MCPH1: variants seen among roughly 807,000 people sequenced by gnomAD.
MCPH1 encodes the protein microcephalin 1, also known as microcephalin.
A neutral mutation model predicts 84.5 loss-of-function variants in MCPH1; 104 were observed. The ratio of observed to expected loss-of-function variants is 1.23; its 90% CI spans 1.05 to 1.45. The LOEUF (loss-of-function observed/expected upper bound fraction) is 1.45, where lower values mean the gene tolerates loss of function less well. MCPH1 is among the 40% of genes most tolerant of loss of function. The probability of loss-of-function intolerance (pLI) is 0.00; values close to 1 mark genes in which losing one functional copy is unlikely to be tolerated. For synonymous variants in MCPH1, 514 were observed against 366.8 expected (o/e 1.40, Z -4.58); for missense variants, 1,498 against 1,005.7 (o/e 1.49, Z -6.62).
rs376082728 is a variant in MCPH1 at position 6,621,511 on chromosome 8, G to T, written c.2272G>T (p.Asp758Tyr). The T allele has an allele frequency of 1.9e-6, 3 of 1,613,996 alleles. No homozygotes were observed. Among genetic ancestry groups the T allele is most frequent in the Non-Finnish European group, 1.7e-6 (2 of 1,180,034 alleles). ...AGPYRGTLFA[D>Y]QPAMFVSPAS... ...GCCGTACCGCGGAACCCTCTTTGCC[G>T]ACCAGCCAGCGATGTTTGTCTCGCC... Residue 758 changes from aspartate (D) to tyrosine (Y), a missense_variant, in exon 13 of 14, where the codon GAC becomes TAC. Physicochemically the swap from Asp to Tyr is radical, Grantham distance 160. Transcript: ENST00000344683.
chr8:6,509,937 C>A (rs1440605929), intron 12 of MCPH1, among the ~76,000 whole-genome samples: 4 of 152,120 alleles, frequency 2.6e-5, no homozygotes, highest in Non-Finnish European at 5.9e-5. Context: ...CATGAGGGAG[C>A]ATCGTGCCAC....
chr8:6,507,912 C>T (rs1300076487), intron 12 of MCPH1: 4 of 152,038 alleles, frequency 2.6e-5, no homozygotes, highest in Non-Finnish European at 5.9e-5. Flanking sequence ...AAACTTTATT[C>T]CTATGTTTGA....
At chr8:6,559,230 A>AACACACACACAC (rs59299448) in intron 12 of MCPH1, among the ~76,000 whole-genome samples, 4,160 of 146,788 alleles carry the variant, frequency 0.028, 88 homozygotes, top group East Asian at 0.077. Flanking sequence ...CACACACGAC[A>AACACACACACAC]ACACACACAC....
At chr8:6,463,788 T>G (rs1043224986) in intron 9 of MCPH1, among the ~76,000 whole-genome samples, 1 of 152,240 alleles carries the variant, frequency 6.6e-6, no homozygotes, top group African/African-American at 2.4e-5. Flanking sequence ...GGTTCTGGAA[T>G]GAGTACTTCA....
rs766469448 is a variant in MCPH1, at chr8:6,406,633, C to T, written c.-35C>T. 2.1e-5 allele frequency: 33 copies of T among 1,609,408 alleles called. No homozygotes were observed. Among genetic ancestry groups the T allele is most frequent in the East Asian group, 4.5e-5 (2 of 44,694 alleles). ...CGCGCGCCGCCAGGCTCGCAAGCACCGCGTAGGCCAGCTGGCCGGATCCCG... is the reference window on the plus strand; with the variant it reads ...CGCGCGCCGCCAGGCTCGCAAGCACTGCGTAGGCCAGCTGGCCGGATCCCG... On this transcript the variant is annotated 5_prime_UTR_variant, in exon 1 of 14. Transcript: ENST00000344683.
chr8:6,465,943 CCATG>C (rs1211993523), intron 9 of MCPH1, among the ~76,000 whole-genome samples: 1,291 of 112,004 alleles, frequency 0.012, 21 homozygotes, highest in African/African-American at 0.037. Flanking sequence ...ATCCATCCAT[CCATG>C]CATCCATCCA....
At chr8:6,412,619 G>A (rs1798693386) in intron 2 of MCPH1, among the ~76,000 whole-genome samples, 1 of 152,258 alleles carries the variant, frequency 6.6e-6, no homozygotes, top group South Asian at 2.1e-4. Context: ...AGGTGTAGGG[G>A]TTTTACCAGA....
intron 9 of MCPH1, chr8:6,473,714 C>A: frequency 2.1e-6 from 1 of 467,476 alleles, no homozygotes; most frequent in Non-Finnish European, 3.7e-6. Context: ...AGGCATAAAC[C>A]TTTATACTAT....
intron 12 of MCPH1, among the ~76,000 whole-genome samples, chr8:6,554,549 A>G (rs1824252602): frequency 6.6e-6 from 1 of 152,250 alleles, no homozygotes; most frequent in Admixed American, 6.5e-5. Context: ...TTTACATGAC[A>G]GGTAATTTTT....
intron 8 of MCPH1, among the ~76,000 whole-genome samples, chr8:6,453,734 G>C (rs1585864235): frequency 6.6e-6 from 1 of 152,192 alleles, no homozygotes; most frequent in Non-Finnish European, 1.5e-5. Context: ...AAAGACGATA[G>C]GAGATTGCAT....
At chr8:6,506,128 C>G (rs1268634259) in intron 12 of MCPH1, among the ~76,000 whole-genome samples, 3 of 151,318 alleles carry the variant, frequency 2.0e-5, no homozygotes, top group African/African-American at 7.3e-5. Flanking sequence ...AGCTCAGTGA[C>G]TTCATTTGAT....
intron 12 of MCPH1, among the ~76,000 whole-genome samples, chr8:6,521,607 C>T (rs564697240): frequency 4.6e-5 from 7 of 152,272 alleles, no homozygotes; most frequent in East Asian, 1.9e-4. Context: ...TATATGTAAA[C>T]GTATAAGCAT....
rs745481752 is a variant in MCPH1, at chr8:6,645,413, T to C, written c.*2364T>C. 3.7e-4 allele frequency: 57 copies of C among 152,126 alleles called. No individual in the cohort carries two copies. The highest frequency in any genetic ancestry group is 7.5e-4 in the Non-Finnish European group (51 of 68,026). 9.4% of individuals were successfully genotyped at this position (152,126 alleles called of 1,614,324 possible). A position where few individuals can be genotyped will look rare whatever the true frequency, so the allele number is the denominator to read the frequency against. On this transcript the variant is annotated 3_prime_UTR_variant, in exon 14 of 14. Coordinates refer to ENST00000344683, the MANE Select transcript of MCPH1 (RefSeq NM_024596.5). ...ACTCAAAACATATAGGGCTAGAGGT[T>C]CTCAGGATTCTGAATTTTAAAAAAA...
intron 12 of MCPH1, among the ~76,000 whole-genome samples, chr8:6,517,967 G>T (rs1388872362): frequency 2.0e-5 from 3 of 152,154 alleles, no homozygotes; most frequent in African/African-American, 7.2e-5. Context: ...TTCTTTTACT[G>T]CAAATGTTTA....
intron 12 of MCPH1, among the ~76,000 whole-genome samples, chr8:6,593,794 C>T (rs62496916): frequency 0.024 from 3,601 of 152,292 alleles, 68 homozygotes; most frequent in Non-Finnish European, 0.034. Flanking sequence ...TAGGACTTCT[C>T]AAGAAAAGAC....
chr8:6,422,348 A>G (rs74745797), intron 3 of MCPH1, among the ~76,000 whole-genome samples: 1 of 150,288 alleles, frequency 6.7e-6, no homozygotes, highest in African/African-American at 2.4e-5. Context: ...TTGAAAAAAA[A>G]CTACATTTTA....
intron 7 of MCPH1, 133 bp downstream of exon 7, chr8:6,442,289 CT>C: frequency 3.0e-6 from 2 of 656,986 alleles, no homozygotes; most frequent in South Asian, 3.6e-5. Flanking sequence ...AAATTTCCCC[CT>C]GAAATTAGGT....
chr8:6,641,159 T>G (rs1797911396), intron 13 of MCPH1, among the ~76,000 whole-genome samples: 1 of 152,242 alleles, frequency 6.6e-6, no homozygotes, highest in African/African-American at 2.4e-5. Flanking sequence ...TTTGAAATTT[T>G]TGGATTACAT....
intron 11 of MCPH1, among the ~76,000 whole-genome samples, chr8:6,485,704 G>A (rs768024216): frequency 3.9e-5 from 6 of 152,094 alleles, no homozygotes; most frequent in Non-Finnish European, 7.3e-5. Flanking sequence ...GGGAGATTGC[G>A]AAGGCTCAGG....
Sources: allele counts gnomAD v4.1 joint callset (sites outside exome capture counted in the v4.1 genomes callset), GRCh38; gene constraint gnomAD v4.1.1; transcripts MANE v1.5; gene names NCBI Gene and HGNC (gene_info 2026-07-23, HGNC 2026-07-21).